Variants in CNOT1 observed in about 807,000 individuals in gnomAD.
CNOT1 encodes the protein CCR4-NOT transcription complex subunit 1, also known as CCR4-associated factor 1.
Under a neutral mutation model 273.8 loss-of-function variants are expected in CNOT1, and 15 were observed. That is an observed-to-expected ratio of 0.05 (90% CI 0.04 to 0.08). The LOEUF (loss-of-function observed/expected upper bound fraction) is 0.08. Ranked by LOEUF, CNOT1 falls within the 10% of genes least tolerant of loss-of-function variation. The pLI is 1.00. For missense variants in CNOT1, 1,644 were observed against 2,912.2 expected (o/e 0.56, Z 10.02); for synonymous variants, 1,022 against 1,005.5 (o/e 1.02, Z -0.31).
rs1260064073 is a variant in CNOT1 at position 58,613,960 on chromosome 16, C to T, written c.-174-14449G>A. Among the ~76,000 whole-genome samples the T allele has an allele frequency of 7.6e-5, 9 of 119,050 alleles. 3 individuals carry two copies. The highest frequency in any genetic ancestry group is 2.0e-4 in the East Asian group (1 of 5,080). The allele number at this position is 119,050 out of a possible 152,430, so 78.1% of individuals were successfully genotyped here. A position where few individuals can be genotyped will look rare whatever the true frequency, so the allele number is the denominator to read the frequency against. ...AAAAAAAATTAGCCGGGCGTGGTGG[C>T]GGGCACCTGTAGTCCCAGCTACTCA... On this transcript the variant is annotated intron_variant, in intron 1 of 48. Transcript: ENST00000317147.
At chr16:58,619,854 G>C (rs1048686337) in intron 1 of CNOT1, among the ~76,000 whole-genome samples, 11 of 152,102 alleles carry the variant, frequency 7.2e-5, no homozygotes, top group African/African-American at 2.7e-4. Context: ...TAAAAGGTTG[G>C]GGGTAAAGAA....
At chr16:58,626,351 G>C (rs910488979) in intron 1 of CNOT1, among the ~76,000 whole-genome samples, 2 of 140,998 alleles carry the variant, frequency 1.4e-5, no homozygotes, top group African/African-American at 5.2e-5. Flanking sequence ...GGGTTGCAGT[G>C]AGCCAAGATT....
intron 1 of CNOT1, among the ~76,000 whole-genome samples, chr16:58,629,212 G>A (rs77408470): frequency 6.6e-6 from 1 of 152,246 alleles, no homozygotes; most frequent in East Asian, 1.9e-4. Context: ...GAGAGTGGCA[G>A]CTCCGAGTAC....
intron 16 of CNOT1, among the ~76,000 whole-genome samples, chr16:58,570,892 AAGAC>A (rs1478320317): frequency 6.6e-6 from 1 of 152,172 alleles, no homozygotes; most frequent in Non-Finnish European, 1.5e-5. Flanking sequence ...ATTTAACAGT[AAGAC>A]AGGCAGTAAT....
chr16:58,624,997 C>T (rs1032898252), intron 1 of CNOT1, among the ~76,000 whole-genome samples: 4 of 151,748 alleles, frequency 2.6e-5, no homozygotes, highest in African/African-American at 9.7e-5. Context: ...TCTGTAATCA[C>T]GGCACTCTGG....
Position 58,555,415 on chromosome 16 carries a change from C to T in CNOT1, c.2727G>A (p.Glu909=). 6.2e-7 allele frequency: 1 copy of T among 1,614,184 alleles called. No homozygotes were observed. Among genetic ancestry groups the T allele is most frequent in the Non-Finnish European group, 8.5e-7 (1 of 1,180,038 alleles). ...YRFFPQYPDK[E]LHITACLFGG... is the part of the protein sequence containing the mutation. ...CAAATAGGCAGGCTGTTATATGTAA[C>T]TCTTTATCAGGATACTGGGGAAAAA... Residue 909 remains glutamate, a synonymous_variant, in exon 21 of 49, where the codon GAG becomes GAA. Transcript: ENST00000317147.
intron 1 of CNOT1, among the ~76,000 whole-genome samples, chr16:58,610,250 T>A (rs1435619555): frequency 6.6e-6 from 1 of 152,134 alleles, no homozygotes; most frequent in Non-Finnish European, 1.5e-5. Flanking sequence ...AAACCCCATC[T>A]CTACTAAAAA....
chr16:58,529,504 GATATCC>G (rs1375364015), intron 43 of CNOT1, among the ~76,000 whole-genome samples: 1 of 146,544 alleles, frequency 6.8e-6, no homozygotes, highest in Non-Finnish European at 1.5e-5. Context: ...ACAAAAAGGT[GATATCC>G]ATGGCTGATC....
chr16:58,571,312 T>C (rs1053206204), intron 16 of CNOT1, among the ~76,000 whole-genome samples: 2 of 152,016 alleles, frequency 1.3e-5, no homozygotes, highest in African/African-American at 2.4e-5. Context: ...TCCCAGCACT[T>C]TGAGAGGCCA....
chr16:58,589,342 G>A (rs1431970883), intron 2 of CNOT1, among the ~76,000 whole-genome samples: 7 of 152,080 alleles, frequency 4.6e-5, no homozygotes, highest in Non-Finnish European at 5.9e-5. Context: ...GTGAAACCCC[G>A]TCTCTACTAA....
At chr16:58,623,452 C>T (rs988085633) in intron 1 of CNOT1, 3 of 152,044 alleles carry the variant, frequency 2.0e-5, no homozygotes, top group Non-Finnish European at 4.4e-5. Context: ...ACTTTTAGCC[C>T]CACCTCCTCC....
Position 58,616,100 on chromosome 16 carries a change from C to A in CNOT1, c.-175+13628G>T, listed in dbSNP as rs2043069914. Among the ~76,000 whole-genome samples, 2 of 124,286 alleles carry A rather than the reference C, an allele frequency of 1.6e-5. 1 individual carries two copies. Among genetic ancestry groups the A allele is most frequent in the African/African-American group, 5.4e-5 (2 of 37,008 alleles). 81.5% of individuals were successfully genotyped at this position (124,286 alleles called of 152,430 possible). A position where few individuals can be genotyped will look rare whatever the true frequency, so the allele number is the denominator to read the frequency against. On this transcript the variant is annotated intron_variant, in intron 1 of 48. Transcript: ENST00000317147. ...CAAAAAAATAAAAAGTAAGAAATTG[C>A]AATAACTCTTTTTGTTAGTTTTTTC...
chr16:58,536,475 C>A (rs775117960), intron 39 of CNOT1, among the ~76,000 whole-genome samples: 14 of 152,068 alleles, frequency 9.2e-5, no homozygotes, highest in Non-Finnish European at 1.9e-4. Flanking sequence ...TGTTCCTAAC[C>A]CTTTTAAGTC....
intron 1 of CNOT1, among the ~76,000 whole-genome samples, chr16:58,628,509 G>A (rs758882214): frequency 4.0e-5 from 6 of 150,566 alleles, no homozygotes; most frequent in Non-Finnish European, 5.9e-5. Context: ...TTTAATCCAT[G>A]TATTCCCTAT....
At chr16:58,564,018 A>C (rs2040949569) in intron 16 of CNOT1, among the ~76,000 whole-genome samples, 1 of 152,212 alleles carries the variant, frequency 6.6e-6, no homozygotes, top group Non-Finnish European at 1.5e-5. Flanking sequence ...TCAATGGAGT[A>C]TTATGCAGCA....
At chr16:58,568,311 T>G (rs1322945578) in intron 16 of CNOT1, among the ~76,000 whole-genome samples, 2 of 150,740 alleles carry the variant, frequency 1.3e-5, no homozygotes, top group African/African-American at 4.9e-5. Flanking sequence ...GAGGTTGCAG[T>G]GAGCCGAGAT....
At chr16:58,541,410 C>G in intron 34 of CNOT1, 91 bp downstream of exon 34, 1 of 1,529,492 alleles carries the variant, frequency 6.5e-7, no homozygotes, top group Non-Finnish European at 8.8e-7. Context: ...GTAAATTATT[C>G]TCCCAGGAAG....
intron 44 of CNOT1, among the ~76,000 whole-genome samples, chr16:58,527,573 AAC>A (rs1413591132): frequency 6.6e-6 from 1 of 152,122 alleles, no homozygotes; most frequent in Non-Finnish European, 1.5e-5. Context: ...AACAATAAAA[AAC>A]ACAAATTTTA....
intron 1 of CNOT1, among the ~76,000 whole-genome samples, chr16:58,620,907 A>T (rs1161883197): frequency 6.6e-6 from 1 of 152,148 alleles, no homozygotes; most frequent in Non-Finnish European, 1.5e-5. Flanking sequence ...CAATATCCAC[A>T]TATTATTTGT....
Sources: allele counts gnomAD v4.1 joint callset (sites outside exome capture counted in the v4.1 genomes callset), GRCh38; gene constraint gnomAD v4.1.1; transcripts MANE v1.5; gene names NCBI Gene and HGNC (gene_info 2026-07-23, HGNC 2026-07-21).